The following KIRREL3 variants were observed in gnomAD, a reference collection of about 807,000 sequenced individuals.
The protein encoded by KIRREL3 is kirre like nephrin family adhesion molecule 3, also known as kin of IRRE-like protein 3.
Under a neutral mutation model 89.7 loss-of-function variants are expected in KIRREL3, and 36 were observed. That is an observed-to-expected ratio of 0.40 (90% CI 0.31 to 0.53). The LOEUF is 0.53. Ranked by LOEUF, KIRREL3 falls within the 20% of genes least tolerant of loss-of-function variation. The pLI is 0.49. For synonymous variants in KIRREL3, 445 were observed against 441.4 expected (o/e 1.01, Z -0.10); for missense variants, 864 against 1,056.6 (o/e 0.82, Z 2.53).
chr11:126,451,874 G>A (rs972510769), intron 7 of KIRREL3, among the ~76,000 whole-genome samples: 14 of 152,114 alleles, frequency 9.2e-5, no homozygotes, highest in African/African-American at 3.1e-4. Flanking sequence ...GTGTCTATGG[G>A]GAGTTTGTCT....
chr11:126,483,549 A>G (rs1389425891), intron 4 of KIRREL3, among the ~76,000 whole-genome samples: 1 of 152,044 alleles, frequency 6.6e-6, no homozygotes, highest in Non-Finnish European at 1.5e-5. Context: ...CCTCCGATCC[A>G]TTCTCCCTCC....
rs1406316097 is a variant in KIRREL3 at position 126,441,165 on chromosome 11, G to C, written c.1253-616C>G. Among the ~76,000 whole-genome samples the C allele has an allele frequency of 6.6e-6, 1 of 152,246 alleles. No individual in the cohort carries two copies. Among genetic ancestry groups the C allele is most frequent in the Non-Finnish European group, 1.5e-5 (1 of 68,038 alleles). ...CAGCCCTCCTCCCACCTGTGTCTCA[G>C]GAGGTCCTGCAGTTCATCATCTTGT... On this transcript the variant is annotated intron_variant, in intron 10 of 16. Transcript: ENST00000525144. The surrounding 1 kb of genome is among the most constrained non-coding windows in gnomAD (Gnocchi z 5.0).
Position 126,456,396 on chromosome 11 carries a change from G to A in KIRREL3, c.801C>T (p.Val267=), listed in dbSNP as rs748921433. The change falls in exon 7 of 17, where the codon GTC becomes GTT. Residue 267 remains valine, a synonymous_variant. Coordinates refer to ENST00000525144, the MANE Select transcript of KIRREL3 (RefSeq NM_032531.4). ...TGGCCTTTGCAGAGCAGTGGAAAGT[G>A]ACGACGTTGTCCTCCAGCACTGGCT... ...EPQPVLEDNV[V]TFHCSAKANP... 3 of 1,594,926 alleles carry A rather than the reference G, an allele frequency of 1.9e-6. No homozygotes were observed. The highest frequency in any genetic ancestry group is 2.6e-6 in the Non-Finnish European group (3 of 1,170,872).
chr11:126,634,079 T>G (rs2134897281), intron 1 of KIRREL3, among the ~76,000 whole-genome samples: 1 of 152,294 alleles, frequency 6.6e-6, no homozygotes, highest in Middle Eastern at 3.4e-3. Context: ...CTTAGCTTCC[T>G]CCAAAGCTCC....
chr11:126,458,404 C>T (rs548161547), intron 6 of KIRREL3, among the ~76,000 whole-genome samples: 56 of 148,844 alleles, frequency 3.8e-4, no homozygotes, highest in Middle Eastern at 3.5e-3. Context: ...CTGAGACCCT[C>T]AGAGAGTCAT....
chr11:126,532,269 T>C (rs1052148899), intron 2 of KIRREL3, among the ~76,000 whole-genome samples: 4 of 152,228 alleles, frequency 2.6e-5, no homozygotes. Context: ...CACTATCCGA[T>C]GTAGGTTGTT....
chr11:126,749,499 G>A (rs753277428), intron 1 of KIRREL3, among the ~76,000 whole-genome samples: 15 of 152,108 alleles, frequency 9.9e-5, no homozygotes, highest in Non-Finnish European at 2.1e-4. Context: ...CAGAAAGATC[G>A]TGCAAGGGGA....
At chr11:126,714,918 C>T (rs753448085) in intron 1 of KIRREL3, among the ~76,000 whole-genome samples, 5 of 152,278 alleles carry the variant, frequency 3.3e-5, no homozygotes, top group Non-Finnish European at 7.4e-5. Flanking sequence ...GGGTGATCAG[C>T]GGAGTTTTAC....
chr11:126,551,809 C>T lies in KIRREL3; in HGVS notation c.133+11026G>A, dbSNP rs1487382709. Among the ~76,000 whole-genome samples, 1 of 152,146 alleles carries T rather than the reference C, an allele frequency of 6.6e-6. No homozygotes were observed. The highest frequency in any genetic ancestry group is 1.5e-5 in the Non-Finnish European group (1 of 68,038). On this transcript the variant is annotated intron_variant, in intron 2 of 16. Coordinates refer to ENST00000525144, the MANE Select transcript of KIRREL3 (RefSeq NM_032531.4). This position sits in a 1 kb window ranked among gnomAD's most constrained non-coding sequence, Gnocchi z 4.9. The stretch of plus-strand genomic sequence containing the variant: ...TACAGGCATGCGCCACCATGCCCGA[C>T]TAATTTTTGTATTTTTAGTAGAGAT...
chr11:126,481,988 T>C (rs1957230562), intron 4 of KIRREL3, among the ~76,000 whole-genome samples: 1 of 152,246 alleles, frequency 6.6e-6, no homozygotes, highest in Non-Finnish European at 1.5e-5. Context: ...AAGAGCCACC[T>C]GCATTTGTTG....
intron 1 of KIRREL3, among the ~76,000 whole-genome samples, chr11:126,845,323 C>A (rs965139306): frequency 6.6e-6 from 1 of 152,130 alleles, no homozygotes; most frequent in African/African-American, 2.4e-5. Flanking sequence ...AACTTCTTAC[C>A]AATCAGACTT....
intron 1 of KIRREL3, among the ~76,000 whole-genome samples, chr11:126,982,542 A>C (rs631562): frequency 0.53 from 80,168 of 152,056 alleles, 22,033 homozygotes; most frequent in East Asian, 0.83. Context: ...CTAATGTTAT[A>C]ATCGTATCTC....
At chr11:126,693,583 G>A (rs2135140617) in intron 1 of KIRREL3, among the ~76,000 whole-genome samples, 1 of 148,680 alleles carries the variant, frequency 6.7e-6, no homozygotes, top group Middle Eastern at 3.4e-3. Flanking sequence ...ACATCTGTAT[G>A]CACATGCATG....
Position 126,605,755 on chromosome 11 carries a change from G to A in KIRREL3, c.56-42843C>T, listed in dbSNP as rs1403690099. 6.6e-6 allele frequency among the ~76,000 whole-genome samples: 1 copy of A among 152,242 alleles called. No homozygotes were observed. Among genetic ancestry groups the A allele is most frequent in the Non-Finnish European group, 1.5e-5 (1 of 68,054 alleles). On this transcript the variant is annotated intron_variant, in intron 1 of 16. Transcript: ENST00000525144. This position sits in a 1 kb window ranked among gnomAD's most constrained non-coding sequence, Gnocchi z 5.7. ...GTAGGGATGCTGGGAGTGGGAATGG[G>A]GTGGGGAAAGCATGGGGCATATGGG...
rs772787832 is a variant in KIRREL3 at position 126,535,438 on chromosome 11, C to G, written c.134-8751G>C. On this transcript the variant is annotated intron_variant, in intron 2 of 16. Transcript: ENST00000525144. The surrounding 1 kb of genome is among the most constrained non-coding windows in gnomAD (Gnocchi z 4.5). ...TCTCTATGACTTGCACACCTGTGGC[C>G]CCATTCTGAGGTTGCCCCTCAATCC... Among the ~76,000 whole-genome samples, 1 of 152,180 alleles carries G rather than the reference C, an allele frequency of 6.6e-6. No individual in the cohort carries two copies. Among genetic ancestry groups the G allele is most frequent in the Non-Finnish European group, 1.5e-5 (1 of 68,042 alleles).
chr11:126,443,094 A>G lies in KIRREL3; in HGVS notation c.1252+1885T>C, dbSNP rs894386727. ...CTCCCTTGGAAATGTCTGAACGTCTAAAGTGACAGCAGATGTCAGCTCCTC... is the reference window on the plus strand; with the variant it reads ...CTCCCTTGGAAATGTCTGAACGTCTGAAGTGACAGCAGATGTCAGCTCCTC... On this transcript the variant is annotated intron_variant, in intron 10 of 16. Transcript: ENST00000525144. The surrounding 1 kb of genome is among the most constrained non-coding windows in gnomAD (Gnocchi z 7.3). Among the ~76,000 whole-genome samples the G allele has an allele frequency of 2.0e-5, 3 of 152,228 alleles. No homozygotes were observed. Among genetic ancestry groups the G allele is most frequent in the African/African-American group, 7.2e-5 (3 of 41,456 alleles).
chr11:126,909,402 C>T lies in KIRREL3; in HGVS notation c.55+91053G>A, dbSNP rs749448469. Among the ~76,000 whole-genome samples, 2 of 152,214 alleles carry T rather than the reference C, an allele frequency of 1.3e-5. No homozygotes were observed. Among genetic ancestry groups the T allele is most frequent in the East Asian group, 1.9e-4 (1 of 5,200 alleles). ...TCATCCTTGCATATCTGTAGCTCCA[C>T]CTCAGGCACGGTGCCCAGCTCCCAG... On this transcript the variant is annotated intron_variant, in intron 1 of 16. Coordinates refer to ENST00000525144, the MANE Select transcript of KIRREL3 (RefSeq NM_032531.4). The surrounding 1 kb of genome is among the most constrained non-coding windows in gnomAD (Gnocchi z 4.5).
At chr11:126,992,546 G>T (rs1431513855) in intron 1 of KIRREL3, 1 of 152,232 alleles carries the variant, frequency 6.6e-6, no homozygotes, top group Non-Finnish European at 1.5e-5. Flanking sequence ...TAGATCTGAT[G>T]ATATTCTCTA....
chr11:126,629,810 A>G (rs987825661), intron 1 of KIRREL3, among the ~76,000 whole-genome samples: 3 of 152,178 alleles, frequency 2.0e-5, no homozygotes, highest in African/African-American at 7.2e-5. Flanking sequence ...GGCTTCTCTA[A>G]AAGATGCTCT....
Sources: gnomAD v4.1 joint callset for allele counts (sites outside exome capture counted in the v4.1 genomes callset) on GRCh38, gnomAD v4.1.1 for gene constraint, Gnocchi (gnomAD v3.1) non-coding constraint, MANE v1.5 for transcripts, NCBI Gene and HGNC (gene_info 2026-07-23, HGNC 2026-07-21) for gene names.